PDE7B: variants seen among roughly 807,000 people sequenced by gnomAD.
The protein encoded by PDE7B is phosphodiesterase 7B, also known as 3',5'-cyclic-AMP phosphodiesterase 7B.
PDE7B carries 29 observed loss-of-function variants against 56.2 expected under a neutral mutation model. That is an observed-to-expected ratio of 0.52 (90% CI 0.38 to 0.70). The LOEUF (loss-of-function observed/expected upper bound fraction) is 0.70, where lower values mean the gene tolerates loss of function less well. Ranked by LOEUF, PDE7B falls within the 30% of genes least tolerant of loss-of-function variation. The probability of loss-of-function intolerance (pLI) is 0.00; values close to 1 mark genes in which losing one functional copy is unlikely to be tolerated. For synonymous variants in PDE7B, 197 were observed against 196.9 expected, an observed-to-expected ratio of 1.00 and a Z score of 0.00; for missense variants, 490 against 565.0, an observed-to-expected ratio of 0.87 and a Z score of 1.35.
intron 2 of PDE7B, among the ~76,000 whole-genome samples, chr6:136,004,307 C>T (rs1775733419): frequency 6.6e-6 from 1 of 152,186 alleles, no homozygotes; most frequent in African/African-American, 2.4e-5. Flanking sequence ...CAGGGATGCC[C>T]TCTCTTACCA....
At chr6:135,916,940 A>C (rs1283004078) in intron 1 of PDE7B, among the ~76,000 whole-genome samples, 1 of 152,052 alleles carries the variant, frequency 6.6e-6, no homozygotes, top group Non-Finnish European at 1.5e-5. Context: ...CGGATGTTTT[A>C]ATTTGGCAGT....
chr6:136,191,768 T>G lies in PDE7B; in HGVS notation c.1281T>G (p.Ser427Arg). 1 of 1,589,234 alleles carries G rather than the reference T, an allele frequency of 6.3e-7. No individual in the cohort carries two copies. ...GGCAGCACAGAAGCAGGGGCAGCAG[T>G]GGCAGCGGGCCTGACCACGACCACG... ...LPRQHRSRGSSGSGPDHDHAG... is the reference protein window; with the variant it reads ...LPRQHRSRGSRGSGPDHDHAG... Residue 427 changes from serine to arginine, a missense_variant, in exon 13 of 13, where the codon AGT (serine) becomes AGG (arginine). By Grantham distance (110) the Ser-to-Arg change is moderately radical. Transcript: ENST00000308191.
chr6:136,141,923 A>AT (rs1778333615), intron 3 of PDE7B, among the ~76,000 whole-genome samples: 1 of 132,526 alleles, frequency 7.5e-6, no homozygotes, highest in Admixed American at 7.6e-5. Context: ...GGATTCATTG[A>AT]TTTTTTGAAG....
chr6:136,156,895 A>G (rs1218629425), intron 8 of PDE7B, among the ~76,000 whole-genome samples: 1 of 152,206 alleles, frequency 6.6e-6, no homozygotes, highest in African/African-American at 2.4e-5. Flanking sequence ...AACATCAAAA[A>G]GATGAAAAAA....
intron 2 of PDE7B, chr6:136,095,658 A>C (rs900336956): frequency 6.6e-6 from 1 of 152,234 alleles, no homozygotes; most frequent in African/African-American, 2.4e-5. Context: ...AGCTCAAGAC[A>C]TCTTTAAACA....
At chr6:136,160,070 G>GT (rs1343078617) in intron 8 of PDE7B, among the ~76,000 whole-genome samples, 94 of 152,126 alleles carry the variant, frequency 6.2e-4, no homozygotes, top group Admixed American at 6.0e-3. Flanking sequence ...GAAGGGTTTT[G>GT]TTTTTTTCAA....
intron 2 of PDE7B, among the ~76,000 whole-genome samples, chr6:136,026,582 T>C (rs995045444): frequency 2.6e-5 from 4 of 152,222 alleles, no homozygotes; most frequent in Non-Finnish European, 4.4e-5. Flanking sequence ...CTTTATACAA[T>C]ATCCCAACCA....
At chr6:135,935,198 A>ATATATTTT (rs1562445479) in intron 1 of PDE7B, among the ~76,000 whole-genome samples, 3 of 80,188 alleles carry the variant, frequency 3.7e-5, no homozygotes, top group South Asian at 3.6e-4. Context: ...ATTTATATAT[A>ATATATTTT]TATATATATA....
intron 2 of PDE7B, among the ~76,000 whole-genome samples, chr6:136,024,171 G>C (rs897436225): frequency 6.6e-6 from 1 of 152,096 alleles, no homozygotes; most frequent in East Asian, 1.9e-4. Flanking sequence ...TATATATTTA[G>C]ATCACACTAG....
intron 1 of PDE7B, among the ~76,000 whole-genome samples, chr6:135,915,369 TTCAAAC>T (rs1179831354): frequency 3.3e-5 from 5 of 152,206 alleles, no homozygotes; most frequent in African/African-American, 1.2e-4. Flanking sequence ...CAAATTGTTT[TTCAAAC>T]TCCTTGTAAG....
At chr6:136,020,529 T>A (rs1169668332) in intron 2 of PDE7B, among the ~76,000 whole-genome samples, 2 of 152,154 alleles carry the variant, frequency 1.3e-5, no homozygotes, top group Admixed American at 6.5e-5. Context: ...TACCATACCA[T>A]CTCTCTGAGA....
intron 2 of PDE7B, among the ~76,000 whole-genome samples, chr6:136,089,318 A>T (rs1334705357): frequency 1.3e-5 from 2 of 152,198 alleles, no homozygotes; most frequent in African/African-American, 4.8e-5. Flanking sequence ...CATTCCAGAG[A>T]CTACAGCATT....
intron 8 of PDE7B, among the ~76,000 whole-genome samples, chr6:136,157,442 G>A (rs537618940): frequency 1.2e-4 from 18 of 152,262 alleles, no homozygotes; most frequent in African/African-American, 2.9e-4. Context: ...GCTGGGCATC[G>A]TGGCACATGC....
chr6:135,974,663 T>G (rs2128203426), intron 2 of PDE7B, among the ~76,000 whole-genome samples: 1 of 152,364 alleles, frequency 6.6e-6, no homozygotes, highest in Admixed American at 6.5e-5. Flanking sequence ...ATCTAGGCAG[T>G]TACACCCCAG....
chr6:136,081,299 C>T (rs1777203606), intron 2 of PDE7B, among the ~76,000 whole-genome samples: 1 of 152,046 alleles, frequency 6.6e-6, no homozygotes, highest in African/African-American at 2.4e-5. Context: ...TAGGGGACTA[C>T]TGAAGATCTA....
Position 135,915,412 on chromosome 6 carries a change from G to A in PDE7B, c.22-32052G>A, listed in dbSNP as rs561918702. Among the ~76,000 whole-genome samples the A allele has an allele frequency of 2.0e-5, 3 of 152,294 alleles. No homozygotes were observed. The South Asian group carries it at 6.2e-4, about 32-fold the overall frequency. ...CTTTGCATTCTTGCCAGCAACATAT[G>A]ACACTTCCAGATAATCCACATCTTT... On this transcript the variant is annotated intron_variant, in intron 1 of 12. Coordinates refer to ENST00000308191, the MANE Select transcript of PDE7B (RefSeq NM_018945.4).
intron 3 of PDE7B, among the ~76,000 whole-genome samples, chr6:136,110,471 C>T (rs530207325): frequency 1.3e-5 from 2 of 152,160 alleles, no homozygotes; most frequent in East Asian, 1.9e-4. Context: ...TTTTGAAAGT[C>T]GGAGGGAGAA....
At chr6:135,968,782 T>C (rs1175337215) in intron 2 of PDE7B, among the ~76,000 whole-genome samples, 2 of 152,182 alleles carry the variant, frequency 1.3e-5, no homozygotes, top group Non-Finnish European at 2.9e-5. Flanking sequence ...GCAATCCCAT[T>C]ACTGGGTATA....
At chr6:136,088,330 C>A (rs943089193) in intron 2 of PDE7B, among the ~76,000 whole-genome samples, 6 of 152,054 alleles carry the variant, frequency 3.9e-5, no homozygotes, top group African/African-American at 1.4e-4. Context: ...TGTGGGATAT[C>A]CCTTACGGAA....
Sources: gnomAD v4.1 joint callset for allele counts (sites outside exome capture counted in the v4.1 genomes callset) on GRCh38, gnomAD v4.1.1 for gene constraint, MANE v1.5 for transcripts, NCBI Gene and HGNC (gene_info 2026-07-23, HGNC 2026-07-21) for gene names.